RAB38: variants seen among roughly 807,000 people sequenced by gnomAD.
RAB38 encodes the protein RAB38, member RAS oncogene family.
RAB38 carries 15 observed loss-of-function variants against 18.4 expected under a neutral mutation model. That is an observed-to-expected ratio of 0.82 (90% CI 0.55 to 1.26). The LOEUF is 1.26. RAB38 is among the 50% of genes most tolerant of loss of function. RAB38 has a pLI of 0.00. For missense variants in RAB38, 294 were observed against 267.4 expected (o/e 1.10, Z -0.69); for synonymous variants, 101 against 104.4 (o/e 0.97, Z 0.20).
chr11:88,047,664 G>A, the RAB38 span, among the ~76,000 whole-genome samples: 1 of 152,118 alleles, frequency 6.6e-6, no homozygotes, highest in Non-Finnish European at 1.5e-5. Context: ...TCTCAAAGCC[G>A]CTTTACTTCC....
At chr11:87,820,211 T>G in the RAB38 span, among the ~76,000 whole-genome samples, 1 of 152,094 alleles carries the variant, frequency 6.6e-6, no homozygotes, top group African/African-American at 2.4e-5. Context: ...TCGGTTTTCA[T>G]GGACTGATGG....
At chr11:88,111,159 A>G (rs568886584), downstream of RAB38, among the ~76,000 whole-genome samples, 1 of 152,304 alleles carries the variant, frequency 6.6e-6, no homozygotes, top group Admixed American at 6.5e-5. Context: ...GCATAGTGCA[A>G]TAACTCAGAC....
At chr11:87,912,678 A>G in the RAB38 span, among the ~76,000 whole-genome samples, 1 of 138,730 alleles carries the variant, frequency 7.2e-6, no homozygotes, top group African/African-American at 2.7e-5. Context: ...GATTTTCTCT[A>G]TTGCTTTGTT....
the RAB38 span, among the ~76,000 whole-genome samples, chr11:87,944,851 T>C: frequency 6.6e-6 from 1 of 152,050 alleles, no homozygotes. Flanking sequence ...GGTGTTTTTG[T>C]TTGTTTGTTT....
the RAB38 span, among the ~76,000 whole-genome samples, chr11:88,017,717 AT>A: frequency 6.9e-6 from 1 of 144,058 alleles, no homozygotes; most frequent in Non-Finnish European, 1.5e-5. Context: ...TATATATATA[AT>A]ATATATTATA....
chr11:88,110,308 T>C (rs536805708), downstream of RAB38, among the ~76,000 whole-genome samples: 8 of 151,074 alleles, frequency 5.3e-5, no homozygotes, highest in South Asian at 1.7e-3. Context: ...CACTCATAAG[T>C]GGGAGTTGAA....
At chr11:88,093,245 G>A in the RAB38 span, among the ~76,000 whole-genome samples, 337 of 151,884 alleles carry the variant, frequency 2.2e-3, 2 homozygotes, top group African/African-American at 7.6e-3. Flanking sequence ...ATGACTTTGG[G>A]TAAAATGTTT....
chr11:87,899,023 T>C, the RAB38 span, among the ~76,000 whole-genome samples: 1 of 151,674 alleles, frequency 6.6e-6, no homozygotes, highest in Non-Finnish European at 1.5e-5. Flanking sequence ...GGCAGGACTT[T>C]TGTTACTGGT....
chr11:87,822,798 T>A, the RAB38 span, among the ~76,000 whole-genome samples: 1 of 152,160 alleles, frequency 6.6e-6, no homozygotes, highest in Non-Finnish European at 1.5e-5. Flanking sequence ...CAGAGATCAT[T>A]GGAGGTTGCC....
At chr11:88,147,754 G>T (rs762416524) in intron 2 of RAB38, among the ~76,000 whole-genome samples, 7 of 151,974 alleles carry the variant, frequency 4.6e-5, no homozygotes, top group Admixed American at 2.0e-4. Flanking sequence ...TTAGCTGGGT[G>T]TGGTGGCGGG....
At chr11:88,133,098 G>A (rs1031534745) in intron 2 of RAB38, among the ~76,000 whole-genome samples, 4 of 152,066 alleles carry the variant, frequency 2.6e-5, no homozygotes, top group African/African-American at 4.8e-5. Flanking sequence ...TCTACATCTA[G>A]TATATTGTAA....
At chr11:88,151,113 T>G (rs987189546) in intron 1 of RAB38, among the ~76,000 whole-genome samples, 1 of 152,216 alleles carries the variant, frequency 6.6e-6, no homozygotes, top group Non-Finnish European at 1.5e-5. Context: ...TGCTTAACGT[T>G]CTGATTGAAT....
At chr11:88,168,068 G>A (rs302650) in intron 1 of RAB38, among the ~76,000 whole-genome samples, 67,058 of 151,896 alleles carry the variant, frequency 0.44, 14,873 homozygotes, top group Middle Eastern at 0.46. Context: ...ATGAGTGATG[G>A]CTTTAGTATG....
chr11:87,864,867 G>T, the RAB38 span, among the ~76,000 whole-genome samples: 1 of 151,782 alleles, frequency 6.6e-6, no homozygotes, highest in Non-Finnish European at 1.5e-5. Flanking sequence ...TCTCAGTGAG[G>T]TTGCTCATCA....
chr11:87,896,400 T>C, the RAB38 span, among the ~76,000 whole-genome samples: 1 of 151,604 alleles, frequency 6.6e-6, no homozygotes, highest in Non-Finnish European at 1.5e-5. Flanking sequence ...GGACCATGCT[T>C]GCTGGAATCT....
chr11:88,144,604 T>C lies in RAB38; in HGVS notation c.483+5071A>G, dbSNP rs1379006290. On this transcript the variant is annotated intron_variant, in intron 2 of 2. Coordinates refer to ENST00000243662, the MANE Select transcript of RAB38 (RefSeq NM_022337.3). The stretch of plus-strand genomic sequence containing the variant: ...CCTTTTCTCAGCAGAAGGATACACA[T>C]TAACATTTTTATTTTTAGCTTCAAA... Among the ~76,000 whole-genome samples, 3 of 152,208 alleles carry C rather than the reference T, an allele frequency of 2.0e-5. No individual in the cohort carries two copies. In the East Asian group the frequency reaches 5.8e-4, roughly 29 times the overall value.
At chr11:87,956,050 C>T in the RAB38 span, among the ~76,000 whole-genome samples, 1 of 152,056 alleles carries the variant, frequency 6.6e-6, no homozygotes, top group African/African-American at 2.4e-5. Flanking sequence ...AGTCTCCGTT[C>T]TACAGTATGG....
chr11:87,943,472 A>C, the RAB38 span, among the ~76,000 whole-genome samples: 1 of 152,122 alleles, frequency 6.6e-6, no homozygotes, highest in Non-Finnish European at 1.5e-5. Context: ...AAAGATACAT[A>C]GAGGTCTGCA....
the RAB38 span, among the ~76,000 whole-genome samples, chr11:88,016,803 TC>T: frequency 1.3e-5 from 2 of 152,072 alleles, no homozygotes; most frequent in Non-Finnish European, 2.9e-5. Flanking sequence ...CTTGCTTAAG[TC>T]CCCTAACCCC....
Sources: allele counts gnomAD v4.1 joint callset (sites outside exome capture counted in the v4.1 genomes callset), GRCh38; gene constraint gnomAD v4.1.1; transcripts MANE v1.5; gene names NCBI Gene and HGNC (gene_info 2026-07-23, HGNC 2026-07-21).